STK33: variants seen among roughly 807,000 people sequenced by gnomAD.
STK33 encodes serine/threonine-protein kinase 33.
In STK33, 52 loss-of-function variants were observed where a neutral mutation model predicts 58.0. That is an observed-to-expected ratio of 0.90 (90% confidence interval 0.72 to 1.13). The LOEUF is 1.13. Ranked by LOEUF, STK33 falls within the 50% of genes most tolerant of loss-of-function variation. The pLI is 0.00. For synonymous variants in STK33, 215 were observed against 200.1 expected (o/e 1.07, Z -0.63); for missense variants, 630 against 604.2 (o/e 1.04, Z -0.45).
At chr11:8,489,867 T>C (rs999196502) in intron 1 of STK33, among the ~76,000 whole-genome samples, 1 of 151,932 alleles carries the variant, frequency 6.6e-6, no homozygotes, top group Non-Finnish European at 1.5e-5. Flanking sequence ...GCAGAAGAAA[T>C]AGTAAACCTG....
At chr11:8,530,289 G>A (rs778830977) in intron 1 of STK33, among the ~76,000 whole-genome samples, 6 of 151,848 alleles carry the variant, frequency 4.0e-5, no homozygotes, top group South Asian at 4.2e-4. Context: ...GGGAGATAGC[G>A]GACAAAAGAG....
chr11:8,484,383 T>G (rs1950059503), intron 1 of STK33, among the ~76,000 whole-genome samples: 3 of 152,202 alleles, frequency 2.0e-5, no homozygotes, highest in Admixed American at 2.0e-4. Flanking sequence ...TCTCTCAACC[T>G]AATGCTCCAA....
Position 8,408,925 on chromosome 11 carries a change from T to C in STK33, c.1344+4570A>G, listed in dbSNP as rs529938465. The stretch of plus-strand genomic sequence containing the variant: ...AAATGTTGCCAACCATGGAAGCCCA[T>C]TGGAGACTCAGCATCCATGGTCACG... On this transcript the variant is annotated intron_variant, in intron 15 of 15. Transcript: ENST00000687296. Among the ~76,000 whole-genome samples, 5 of 152,318 alleles carry C rather than the reference T, an allele frequency of 3.3e-5. No homozygotes were observed. In the South Asian group the frequency reaches 6.2e-4, roughly 19 times the overall value.
chr11:8,348,075 ACT>A, the STK33 span, among the ~76,000 whole-genome samples: 1 of 151,964 alleles, frequency 6.6e-6, no homozygotes, highest in Non-Finnish European at 1.5e-5. Flanking sequence ...TGGGTGACTG[ACT>A]CTATTTCCCC....
intron 14 of STK33, among the ~76,000 whole-genome samples, chr11:8,426,206 G>A (rs956544444): frequency 6.6e-6 from 1 of 152,208 alleles, no homozygotes; most frequent in East Asian, 1.9e-4. Context: ...GATGGAGTGG[G>A]AAGGTGGTTT....
At position 8,537,223 on chromosome 11, in the gene STK33, G is replaced by A. The variant is rs535691068; in HGVS notation, c.-465-56609C>T. 8.9e-4 allele frequency among the ~76,000 whole-genome samples: 135 copies of A among 151,498 alleles called. 1 individual carries two copies. Among genetic ancestry groups the A allele is most frequent in the Non-Finnish European group, 1.5e-3 (105 of 67,824 alleles). On this transcript the variant is annotated intron_variant, in intron 1 of 15. Coordinates refer to ENST00000687296, the MANE Select transcript of STK33 (RefSeq NM_001352389.2). ...TCGAACTCCTGACCTCAGGTGATCC[G>A]CCGACCTCAGCCTCCCAAAGTGCTA...
intron 1 of STK33, among the ~76,000 whole-genome samples, chr11:8,547,339 C>A (rs192221790): frequency 6.6e-6 from 1 of 152,226 alleles, no homozygotes; most frequent in African/African-American, 2.4e-5. Context: ...CTCAGCCTCC[C>A]TAGTAGCTGG....
intron 1 of STK33, among the ~76,000 whole-genome samples, chr11:8,514,015 T>C (rs1952556318): frequency 1.3e-5 from 2 of 151,248 alleles, no homozygotes; most frequent in Non-Finnish European, 3.0e-5. Context: ...TCTATCTCCA[T>C]GAGTTTACTT....
At chr11:8,593,400 T>C (rs963963114) in intron 1 of STK33, among the ~76,000 whole-genome samples, 2 of 152,190 alleles carry the variant, frequency 1.3e-5, no homozygotes, top group Admixed American at 6.5e-5. Context: ...AGACCACTCT[T>C]AGCATGCAAA....
At chr11:8,470,181 A>C (rs892877038) in intron 6 of STK33, among the ~76,000 whole-genome samples, 17 of 152,260 alleles carry the variant, frequency 1.1e-4, no homozygotes, top group African/African-American at 4.1e-4. Flanking sequence ...TGTTTAGTGT[A>C]GCCATCTTCT....
chr11:8,474,934 TA>T lies in STK33; in HGVS notation c.-30del, dbSNP rs1949128085. ...TTTAACTCTGCAACAAAAGCAACTT[TA>T]AAAATGTTTCCACTGTTTGAGGAAG... On this transcript the variant is annotated 5_prime_UTR_variant, in exon 5 of 16. Coordinates refer to ENST00000687296, the MANE Select transcript of STK33 (RefSeq NM_001352389.2). 1.3e-6 allele frequency: 2 copies of T among 1,538,610 alleles called. No individual in the cohort carries two copies. Among genetic ancestry groups the T allele is most frequent in the Non-Finnish European group, 8.7e-7 (1 of 1,144,098 alleles).
the STK33 span, among the ~76,000 whole-genome samples, chr11:8,355,383 A>G: frequency 3.3e-5 from 5 of 152,216 alleles, no homozygotes; most frequent in Non-Finnish European, 7.3e-5. Flanking sequence ...ATTTATTTCA[A>G]TAGCCACATG....
chr11:8,435,989 A>T (rs759127750), intron 13 of STK33, 38 bp downstream of exon 13: 2 of 1,240,640 alleles, frequency 1.6e-6, no homozygotes, highest in Non-Finnish European at 2.2e-6. Context: ...TATGTTACTT[A>T]TATTAGCTTT....
At chr11:8,572,099 G>T (rs977885725) in intron 1 of STK33, among the ~76,000 whole-genome samples, 2 of 150,732 alleles carry the variant, frequency 1.3e-5, no homozygotes, top group Non-Finnish European at 3.0e-5. Flanking sequence ...TCCAAGGCTC[G>T]TGTTGGGGGT....
intron 1 of STK33, among the ~76,000 whole-genome samples, chr11:8,481,022 A>G (rs1313942061): frequency 6.6e-6 from 1 of 152,190 alleles, no homozygotes; most frequent in African/African-American, 2.4e-5. Context: ...TACGTCAAAC[A>G]TTCTCAAGAG....
downstream of STK33, among the ~76,000 whole-genome samples, chr11:8,387,538 A>C (rs1848560435): frequency 6.6e-6 from 1 of 152,232 alleles, no homozygotes; most frequent in Non-Finnish European, 1.5e-5. Flanking sequence ...TGATACACGT[A>C]ACGTGCTTAG....
At chr11:8,440,090 A>C (rs1944554120) in intron 12 of STK33, among the ~76,000 whole-genome samples, 1 of 151,904 alleles carries the variant, frequency 6.6e-6, no homozygotes, top group Admixed American at 6.6e-5. Context: ...GAGAAATCAA[A>C]GAATAGGTAA....
chr11:8,356,840 T>C, the STK33 span, among the ~76,000 whole-genome samples: 1 of 151,926 alleles, frequency 6.6e-6, no homozygotes, highest in Non-Finnish European at 1.5e-5. Context: ...AGGCCCTTGG[T>C]GGAGCTGAGA....
intron 14 of STK33, 93 bp from the exon 15 acceptor site, chr11:8,413,785 T>G: frequency 9.0e-7 from 1 of 1,109,414 alleles, no homozygotes; most frequent in Non-Finnish European, 1.3e-6. Flanking sequence ...CCAAATTCAG[T>G]AATAGTCACA....
Sources: gnomAD v4.1 joint callset for allele counts (sites outside exome capture counted in the v4.1 genomes callset) on GRCh38, gnomAD v4.1.1 for gene constraint, MANE v1.5 for transcripts, NCBI Gene and HGNC (gene_info 2026-07-23, HGNC 2026-07-21) for gene names.